NHSL2: variants seen among roughly 807,000 people sequenced by gnomAD.
NHSL2 encodes NHS-like protein 2.
In NHSL2, 27 loss-of-function variants were observed where a neutral mutation model predicts 53.4. The ratio of observed to expected loss-of-function variants is 0.51; its 90% CI spans 0.37 to 0.70. The LOEUF (loss-of-function observed/expected upper bound fraction) is 0.70, where lower values mean the gene tolerates loss of function less well. Ranked by LOEUF, NHSL2 falls within the 30% of genes least tolerant of loss-of-function variation. NHSL2 has a pLI of 0.00. For missense variants in NHSL2, 892 were observed against 980.1 expected (o/e 0.91, Z 1.20); for synonymous variants, 408 against 404.1 (o/e 1.01, Z -0.12).
chrX:72,020,295 T>C (rs1164220441), intron 1 of NHSL2, among the ~76,000 whole-genome samples: 1 of 112,107 alleles, frequency 8.9e-6, no homozygotes. Context: ...TCGCTGTGAG[T>C]CTTGTGTTCC....
Position 71,911,000 on chromosome X carries a change from G to A in NHSL2, c.-88G>A. The A allele has an allele frequency of 5.2e-6, 4 of 769,721 alleles. No homozygotes were observed. The highest frequency in any genetic ancestry group is 6.6e-6 in the Non-Finnish European group (4 of 608,032). 63.4% of individuals were successfully genotyped at this position (769,721 alleles called of 1,213,427 possible). A position where few individuals can be genotyped will look rare whatever the true frequency, so the allele number is the denominator to read the frequency against. On this transcript the variant is annotated 5_prime_UTR_variant, in exon 1 of 8. Transcript: ENST00000633930. Reference sequence around the variant, plus strand: ...TGCTACACCCGGAGCTGGGGCCGCCGCTCAGGGGCGCTCGGGCCAGGGGCG... The same window carrying A: ...TGCTACACCCGGAGCTGGGGCCGCCACTCAGGGGCGCTCGGGCCAGGGGCG...
intron 1 of NHSL2, among the ~76,000 whole-genome samples, chrX:72,031,341 G>A (rs2042214075): frequency 9.0e-6 from 1 of 111,561 alleles, no homozygotes; most frequent in Non-Finnish European, 1.9e-5. Context: ...ATCTTGGGCA[G>A]GTCACTTAAC....
At chrX:72,072,835 C>T (rs2041711662) in intron 1 of NHSL2, among the ~76,000 whole-genome samples, 1 of 111,965 alleles carries the variant, frequency 8.9e-6, no homozygotes, top group Non-Finnish European at 1.9e-5. Flanking sequence ...AAAATGTAAG[C>T]TTTTCTAGGG....
At position 72,153,137 on chromosome X, in the gene NHSL2, T is replaced by G. The variant is rs1367135806; in HGVS notation, c.*9563T>G. The G allele has an allele frequency of 1.9e-5, 2 of 102,715 alleles. No individual in the cohort carries two copies. The highest frequency in any genetic ancestry group is 4.0e-5 in the Non-Finnish European group (2 of 50,451). The allele number at this position is 102,715 out of a possible 1,213,427, so 8.5% of individuals were successfully genotyped here. On this transcript the variant is annotated 3_prime_UTR_variant, in exon 8 of 8. Coordinates refer to ENST00000633930, the MANE Select transcript of NHSL2 (RefSeq NM_001013627.3). ...CAACACAAAATGGAAGGGAGCCCTCTGTGGGGTGATATTACAAAGGGTTTT... is the reference window on the plus strand; with the variant it reads ...CAACACAAAATGGAAGGGAGCCCTCGGTGGGGTGATATTACAAAGGGTTTT...
In NHSL2 at chrX:72,048,583, C is replaced by G. The variant is rs781634062; in HGVS notation, c.281-83496C>G. Among the ~76,000 whole-genome samples, 149 of 109,403 alleles carry G rather than the reference C, an allele frequency of 1.4e-3. 1 individual carries two copies. Among genetic ancestry groups the G allele is most frequent in the African/African-American group, 4.8e-3 (143 of 29,940 alleles). On this transcript the variant is annotated intron_variant, in intron 1 of 7. Transcript: ENST00000633930. ...CCCCACTGTTTGCATGTGTCCCAGC[C>G]CAGCAGACTCAAAAACTCTCTCTGG...
At chrX:71,930,227 C>T (rs780090359) in intron 1 of NHSL2, among the ~76,000 whole-genome samples, 2 of 112,163 alleles carry the variant, frequency 1.8e-5, no homozygotes, top group Non-Finnish European at 3.8e-5. Flanking sequence ...TCTACTTCAG[C>T]TGTGCTGGCC....
chrX:72,149,502 A>G lies in NHSL2; in HGVS notation c.*5928A>G, dbSNP rs1273102001. On this transcript the variant is annotated 3_prime_UTR_variant, in exon 8 of 8. Transcript: ENST00000633930. ...GGTCTTGAGCTTTTTCTAACATCCA[A>G]TTTTATAAAATGTTGTGCATGCAAA... 1 of 111,996 alleles carries G rather than the reference A, an allele frequency of 8.9e-6. No homozygotes were observed. Among genetic ancestry groups the G allele is most frequent in the Non-Finnish European group, 1.9e-5 (1 of 53,221 alleles). The allele number at this position is 111,996 out of a possible 1,213,427, so 9.2% of individuals were successfully genotyped here. A position where few individuals can be genotyped will look rare whatever the true frequency, so the allele number is the denominator to read the frequency against.
At chrX:72,127,183 C>A (rs2042234388) in intron 1 of NHSL2, 1 of 111,418 alleles carries the variant, frequency 9.0e-6, no homozygotes, top group Non-Finnish European at 1.9e-5. Flanking sequence ...CTTCACAACA[C>A]AGTAATGCAA....
chrX:72,094,835 G>A (rs749163857), intron 1 of NHSL2, among the ~76,000 whole-genome samples: 36 of 112,054 alleles, frequency 3.2e-4, no homozygotes, highest in African/African-American at 1.2e-3. Flanking sequence ...CCACATGTGA[G>A]GAGTAATTGG....
At chrX:71,954,178 A>T (rs1021131404) in intron 1 of NHSL2, among the ~76,000 whole-genome samples, 2 of 112,197 alleles carry the variant, frequency 1.8e-5, no homozygotes, top group African/African-American at 6.5e-5. Context: ...GCCAGGCACT[A>T]CATGAGCCAG....
At chrX:72,025,285 G>T (rs1383457185) in intron 1 of NHSL2, among the ~76,000 whole-genome samples, 3 of 112,157 alleles carry the variant, frequency 2.7e-5, no homozygotes, top group Non-Finnish European at 5.6e-5. Flanking sequence ...TTTTTTCCTA[G>T]AAAGGGTCCC....
intron 1 of NHSL2, among the ~76,000 whole-genome samples, chrX:72,048,739 C>T (rs1304016476): frequency 9.1e-6 from 1 of 109,819 alleles, no homozygotes. Flanking sequence ...GGACTTTACT[C>T]GACCTGTTTC....
intron 1 of NHSL2, among the ~76,000 whole-genome samples, chrX:72,051,657 C>T (rs980203033): frequency 8.9e-6 from 1 of 111,881 alleles, no homozygotes; most frequent in Non-Finnish European, 1.9e-5. Flanking sequence ...ATCTACTCCT[C>T]TGGCTGGAAT....
intron 1 of NHSL2, among the ~76,000 whole-genome samples, chrX:72,116,727 G>T (rs2147485778): frequency 9.0e-6 from 1 of 111,074 alleles, no homozygotes; most frequent in South Asian, 3.8e-4. Flanking sequence ...GCAAGAGTGT[G>T]GTCCACCTGA....
At chrX:72,120,224 G>A (rs2042171815) in intron 1 of NHSL2, among the ~76,000 whole-genome samples, 3 of 112,286 alleles carry the variant, frequency 2.7e-5, no homozygotes, top group Non-Finnish European at 1.9e-5. Context: ...CATAGAATGA[G>A]TTGAGAAGTA....
At chrX:72,137,365 A>G (rs2042365694) in intron 5 of NHSL2, 140 bp downstream of exon 5, 1 of 547,384 alleles carries the variant, frequency 1.8e-6, no homozygotes, top group South Asian at 3.6e-5. Context: ...GAAAAAGCCA[A>G]TATGGTAATT....
chrX:72,096,729 G>A (rs1236671467), intron 1 of NHSL2, among the ~76,000 whole-genome samples: 5 of 111,627 alleles, frequency 4.5e-5, no homozygotes, highest in Non-Finnish European at 9.4e-5. Context: ...TCTTTGTGTT[G>A]GGAACATTCA....
chrX:72,063,466 C>T (rs62612130), intron 1 of NHSL2, among the ~76,000 whole-genome samples: 3,744 of 112,035 alleles, frequency 0.033, 70 homozygotes, highest in Non-Finnish European at 0.048. Flanking sequence ...GTACACACTT[C>T]CAAGGCCAAG....
At chrX:72,033,739 T>C (rs1359950149) in intron 1 of NHSL2, among the ~76,000 whole-genome samples, 1 of 112,326 alleles carries the variant, frequency 8.9e-6, no homozygotes, top group African/African-American at 3.2e-5. Context: ...GTTGATCTTT[T>C]ATAGTGCAAC....
Sources: allele counts gnomAD v4.1 joint callset (sites outside exome capture counted in the v4.1 genomes callset), GRCh38; gene constraint gnomAD v4.1.1; transcripts MANE v1.5; gene names NCBI Gene and HGNC (gene_info 2026-07-23, HGNC 2026-07-21).